The following FAM118B variants were observed in gnomAD, a reference collection of about 807,000 sequenced individuals.
The protein encoded by FAM118B is protein FAM118B.
A neutral mutation model predicts 38.5 loss-of-function variants in FAM118B; 24 were observed. The observed-to-expected ratio is 0.62, with a 90% confidence interval of 0.45 to 0.88. FAM118B has a LOEUF of 0.88. Among genes scored for constraint, FAM118B ranks in the 40% least tolerant of loss-of-function variants. FAM118B has a pLI of 0.00. For synonymous variants in FAM118B, 138 were observed against 156.3 expected, an observed-to-expected ratio of 0.88 and a Z score of 0.87; for missense variants, 334 against 420.0, an observed-to-expected ratio of 0.80 and a Z score of 1.79.
intron 4 of FAM118B, among the ~76,000 whole-genome samples, chr11:126,248,358 CTTTTTTTTTTT>C (rs1167017613): frequency 8.7e-4 from 32 of 36,962 alleles, no homozygotes; most frequent in Middle Eastern, 0.056. Context: ...TAGTAGTTGA[CTTTTTTTTTTT>C]TTTTTTTTTT....
intron 5 of FAM118B, among the ~76,000 whole-genome samples, chr11:126,251,608 ACT>A (rs1475197173): frequency 6.6e-6 from 1 of 151,966 alleles, no homozygotes; most frequent in Non-Finnish European, 1.5e-5. Context: ...TTCATTTATA[ACT>A]CTCAACCTAG....
chr11:126,225,828 A>G (rs1389275869), intron 1 of FAM118B, among the ~76,000 whole-genome samples: 2 of 152,090 alleles, frequency 1.3e-5, no homozygotes, highest in African/African-American at 4.8e-5. Flanking sequence ...AAAAATACAA[A>G]AATTAGCTGG....
intron 1 of FAM118B, among the ~76,000 whole-genome samples, chr11:126,228,286 C>T (rs1239558052): frequency 6.6e-6 from 1 of 151,588 alleles, no homozygotes; most frequent in Non-Finnish European, 1.5e-5. Context: ...GCAACCTTAG[C>T]CTCCTGGGTT....
intron 4 of FAM118B, among the ~76,000 whole-genome samples, chr11:126,243,207 C>T (rs1467706119): frequency 1.3e-5 from 2 of 152,176 alleles, no homozygotes; most frequent in Non-Finnish European, 2.9e-5. Flanking sequence ...GAAATTCTTC[C>T]CAAACTATGC....
chr11:126,240,282 T>C (rs1201979203), intron 3 of FAM118B, among the ~76,000 whole-genome samples: 1 of 152,076 alleles, frequency 6.6e-6, no homozygotes, highest in African/African-American at 2.4e-5. Context: ...TTTCTTTTTT[T>C]TTTTTGCCTG....
At chr11:126,212,430 C>G (rs1326851301) in intron 1 of FAM118B, among the ~76,000 whole-genome samples, 6 of 152,230 alleles carry the variant, frequency 3.9e-5, no homozygotes, top group Non-Finnish European at 7.3e-5. Context: ...TGCAACCACA[C>G]CATACCTCCT....
At chr11:126,226,567 G>A (rs370883042) in intron 1 of FAM118B, among the ~76,000 whole-genome samples, 6 of 152,092 alleles carry the variant, frequency 3.9e-5, no homozygotes, top group African/African-American at 1.4e-4. Flanking sequence ...CCTTCCCCCC[G>A]GCAGGGCTGC....
chr11:126,259,986 C>G (rs1367290820), intron 7 of FAM118B, among the ~76,000 whole-genome samples: 2 of 152,118 alleles, frequency 1.3e-5, no homozygotes, highest in Admixed American at 6.5e-5. Context: ...TCCCAAAGTG[C>G]TGGGATTACA....
rs761528406 is a variant in FAM118B at position 126,250,342 on chromosome 11, C to T, written c.340-164C>T. ...TCCTGACCTCGTGATCCGCCCGCCT[C>T]GGTCTCCCAAAGTGCTGGGATTACA... On this transcript the variant is annotated intron_variant, in intron 4 of 8. Transcript: ENST00000533050. The surrounding 1 kb of genome is among the most constrained non-coding windows in gnomAD (Gnocchi z 5.1). Among the ~76,000 whole-genome samples the T allele has an allele frequency of 5.3e-5, 8 of 152,148 alleles. No homozygotes were observed. The highest frequency in any genetic ancestry group is 1.3e-4 in the Admixed American group (2 of 15,278).
Position 126,256,443 on chromosome 11 carries a change from C to T in FAM118B, c.697-124C>T. Reference sequence around the variant, plus strand: ...AGATCACACTCCTTGATGGGACATACCAACCCACTTAAGTCTTGCTTAATT... The same window carrying T: ...AGATCACACTCCTTGATGGGACATATCAACCCACTTAAGTCTTGCTTAATT... On this transcript the variant is annotated intron_variant, in intron 6 of 8. Coordinates refer to ENST00000533050, the MANE Select transcript of FAM118B (RefSeq NM_024556.4). This position sits in a 1 kb window ranked among gnomAD's most constrained non-coding sequence, Gnocchi z 6.6. The T allele has an allele frequency of 1.3e-6, 1 of 789,232 alleles. No homozygotes were observed. The highest frequency in any genetic ancestry group is 2.0e-6 in the Non-Finnish European group (1 of 499,646). The allele number at this position is 789,232 out of a possible 1,614,324, so 48.9% of individuals were successfully genotyped here. A position where few individuals can be genotyped will look rare whatever the true frequency, so the allele number is the denominator to read the frequency against.
In FAM118B at chr11:126,256,488, A is replaced by G; in HGVS notation, c.697-79A>G. On this transcript the variant is annotated intron_variant, in intron 6 of 8. Transcript: ENST00000533050. The surrounding 1 kb of genome is among the most constrained non-coding windows in gnomAD (Gnocchi z 6.6). Reference sequence around the variant, plus strand: ...TTAATTGGTCATCACAGTCTGCTCAACGTAGCATGACCTTCTTGTTTCAGA... The same window carrying G: ...TTAATTGGTCATCACAGTCTGCTCAGCGTAGCATGACCTTCTTGTTTCAGA... 2 of 1,382,320 alleles carry G rather than the reference A, an allele frequency of 1.4e-6. No individual in the cohort carries two copies. Among genetic ancestry groups the G allele is most frequent in the Non-Finnish European group, 2.0e-6 (2 of 1,000,400 alleles). 85.6% of individuals were successfully genotyped at this position (1,382,320 alleles called of 1,614,324 possible).
intron 1 of FAM118B, among the ~76,000 whole-genome samples, chr11:126,227,058 CT>C (rs575065140): frequency 0.28 from 26,847 of 96,474 alleles, 1,061 homozygotes; most frequent in Non-Finnish European, 0.33. Flanking sequence ...ATACAAGCTT[CT>C]TTTTTTTTTT....
At chr11:126,218,125 C>A (rs1399168532) in intron 1 of FAM118B, among the ~76,000 whole-genome samples, 2 of 152,118 alleles carry the variant, frequency 1.3e-5, no homozygotes, top group African/African-American at 4.8e-5. Flanking sequence ...TGATTTTTTG[C>A]TCAATCTTTA....
chr11:126,252,599 C>T lies in FAM118B; in HGVS notation c.568-1706C>T, dbSNP rs115361562. Among the ~76,000 whole-genome samples, 19 of 152,128 alleles carry T rather than the reference C, an allele frequency of 1.2e-4. No individual in the cohort carries two copies. Among genetic ancestry groups the T allele is most frequent in the Non-Finnish European group, 2.2e-4 (15 of 68,010 alleles). On this transcript the variant is annotated intron_variant, in intron 5 of 8. Transcript: ENST00000533050. The surrounding 1 kb of genome is among the most constrained non-coding windows in gnomAD (Gnocchi z 4.7). ...CTCTACAAAAAGTTTAAAAATTAGC[C>T]GGGCATGGTGGTGTTTGCCTGTGGT...
chr11:126,251,890 C>T (rs900324860), intron 5 of FAM118B, among the ~76,000 whole-genome samples: 18 of 152,072 alleles, frequency 1.2e-4, no homozygotes. Flanking sequence ...CCATGTTGGT[C>T]AGGCTAGTCT....
At position 126,256,465 on chromosome 11, in the gene FAM118B, A is replaced by T; in HGVS notation, c.697-102A>T. 1 of 1,051,716 alleles carries T rather than the reference A, an allele frequency of 9.5e-7. No homozygotes were observed. Among genetic ancestry groups the T allele is most frequent in the Non-Finnish European group, 1.4e-6 (1 of 725,030 alleles). The allele number at this position is 1,051,716 out of a possible 1,614,324, so 65.1% of individuals were successfully genotyped here. On this transcript the variant is annotated intron_variant, in intron 6 of 8. Coordinates refer to ENST00000533050, the MANE Select transcript of FAM118B (RefSeq NM_024556.4). The surrounding 1 kb of genome is among the most constrained non-coding windows in gnomAD (Gnocchi z 6.6). ...ATACCAACCCACTTAAGTCTTGCTT[A>T]ATTGGTCATCACAGTCTGCTCAACG...
intron 3 of FAM118B, among the ~76,000 whole-genome samples, chr11:126,236,712 A>T (rs1455474078): frequency 6.7e-6 from 1 of 148,922 alleles, no homozygotes; most frequent in Non-Finnish European, 1.5e-5. Flanking sequence ...TGTTATTCAG[A>T]TGTTGGACTT....
At chr11:126,225,806 C>T (rs141650208) in intron 1 of FAM118B, among the ~76,000 whole-genome samples, 3 of 152,050 alleles carry the variant, frequency 2.0e-5, no homozygotes. Flanking sequence ...ATGGTGGAAC[C>T]CTGTCTTTAC....
intron 1 of FAM118B, among the ~76,000 whole-genome samples, chr11:126,220,812 GC>G (rs1309843866): frequency 6.6e-6 from 1 of 151,650 alleles, no homozygotes; most frequent in Non-Finnish European, 1.5e-5. Flanking sequence ...GACAAATAAT[GC>G]CTTTTTTTTT....
Sources: allele counts gnomAD v4.1 joint callset (sites outside exome capture counted in the v4.1 genomes callset), GRCh38; gene constraint gnomAD v4.1.1; non-coding constraint Gnocchi (gnomAD v3.1); transcripts MANE v1.5; gene names NCBI Gene and HGNC (gene_info 2026-07-23, HGNC 2026-07-21).